The following TLL1 variants were observed in gnomAD, a reference collection of about 807,000 sequenced individuals.
TLL1 encodes the protein tolloid-like protein 1.
Under a neutral mutation model 128.2 loss-of-function variants are expected in TLL1, and 49 were observed. The ratio of observed to expected loss-of-function variants is 0.38; its 90% CI spans 0.30 to 0.48. TLL1 has a LOEUF of 0.48. Among genes scored for constraint, TLL1 ranks in the 20% least tolerant of loss-of-function variants. The pLI is 0.96. For synonymous variants in TLL1, 454 were observed against 418.8 expected (o/e 1.08, Z -1.03); for missense variants, 1,123 against 1,242.0 (o/e 0.90, Z 1.44).
intron 5 of TLL1, among the ~76,000 whole-genome samples, chr4:165,999,641 T>G (rs1489516163): frequency 2.3e-5 from 1 of 44,042 alleles, no homozygotes; most frequent in Non-Finnish European, 3.7e-5. Flanking sequence ...AATTTTTGTA[T>G]TTTTTTTTTT....
Position 165,927,254 on chromosome 4 carries a change from C to T in TLL1, c.169+53181C>T, listed in dbSNP as rs115267083. Among the ~76,000 whole-genome samples the T allele has an allele frequency of 3.0e-3, 463 of 152,200 alleles. 1 individual carries two copies. Among genetic ancestry groups the T allele is most frequent in the African/African-American group, 0.011 (445 of 41,524 alleles). On this transcript the variant is annotated intron_variant, in intron 1 of 20. Coordinates refer to ENST00000061240, the MANE Select transcript of TLL1 (RefSeq NM_012464.5). ...ATCACTCTCTTAGTAATTTTATTTC[C>T]GTAGGCGATGTTGTGTAGTAATACT... is the stretch of plus-strand genomic sequence containing the variant.
intron 5 of TLL1, among the ~76,000 whole-genome samples, chr4:165,995,916 A>G (rs1736852298): frequency 6.6e-6 from 1 of 152,034 alleles, no homozygotes; most frequent in African/African-American, 2.4e-5. Flanking sequence ...ATCACTTATT[A>G]TTTTATTGCC....
intron 1 of TLL1, among the ~76,000 whole-genome samples, chr4:165,923,460 G>T (rs1430225549): frequency 3.6e-5 from 2 of 55,434 alleles, no homozygotes; most frequent in Admixed American, 3.8e-4. Context: ...ACAGAGTCTT[G>T]CTCTGTCGCC....
chr4:165,959,557 A>T (rs1333275046), intron 1 of TLL1, among the ~76,000 whole-genome samples: 3 of 152,184 alleles, frequency 2.0e-5, no homozygotes, highest in African/African-American at 7.2e-5. Context: ...TCATCTCCAC[A>T]TGGAACATAC....
Position 166,034,223 on chromosome 4 carries a change from T to C in TLL1, c.1159-5116T>C, listed in dbSNP as rs575476043. 1.4e-4 allele frequency among the ~76,000 whole-genome samples: 22 copies of C among 152,274 alleles called. 1 individual carries two copies. Among genetic ancestry groups the C allele is most frequent in the African/African-American group, 5.1e-4 (21 of 41,556 alleles). On this transcript the variant is annotated intron_variant, in intron 9 of 20. Transcript: ENST00000061240. ...CATGGACTTTAGGAAAGCTCAGATC[T>C]TGTTGGAAGATCCATGCATGACTGA...
chr4:166,028,349 T>A (rs989360125), intron 9 of TLL1, among the ~76,000 whole-genome samples: 8 of 152,098 alleles, frequency 5.3e-5, no homozygotes, highest in African/African-American at 1.7e-4. Flanking sequence ...TCTTCAATCA[T>A]CCTTTTCCTA....
At chr4:165,912,055 T>G (rs1354275170) in intron 1 of TLL1, among the ~76,000 whole-genome samples, 1 of 152,126 alleles carries the variant, frequency 6.6e-6, no homozygotes, top group Non-Finnish European at 1.5e-5. Flanking sequence ...TTTTGTATTT[T>G]TAGTAGAGAC....
Position 166,043,434 on chromosome 4 carries a change from G to T in TLL1, c.1524+15G>T, listed in dbSNP as rs924230031. The T allele has an allele frequency of 1.5e-5, 24 of 1,613,850 alleles. No individual in the cohort carries two copies. Among genetic ancestry groups the T allele is most frequent in the Non-Finnish European group, 1.9e-5 (23 of 1,179,924 alleles). On this transcript the variant is annotated intron_variant, in intron 12 of 20. Coordinates refer to ENST00000061240, the MANE Select transcript of TLL1 (RefSeq NM_012464.5). ...AGTCCTTTGAGGTAAAGTCTTTTAG[G>T]CTATCTTCCTGGCAAATATTCTCCA...
At chr4:165,907,673 C>T (rs951953376) in intron 1 of TLL1, among the ~76,000 whole-genome samples, 40 of 151,824 alleles carry the variant, frequency 2.6e-4, no homozygotes, top group Admixed American at 2.2e-3. Flanking sequence ...CTCAGCCTCC[C>T]GAGTAGCTGG....
chr4:165,994,050 A>G (rs1736756357), intron 3 of TLL1, among the ~76,000 whole-genome samples: 1 of 152,186 alleles, frequency 6.6e-6, no homozygotes, highest in Admixed American at 6.6e-5. Flanking sequence ...TGGTGAATTG[A>G]TAGTGACTAG....
chr4:166,061,587 A>G (rs1052941041), intron 15 of TLL1, among the ~76,000 whole-genome samples: 2 of 152,070 alleles, frequency 1.3e-5, no homozygotes, highest in Admixed American at 1.3e-4. Flanking sequence ...TTCTGCTTGT[A>G]GTAACCAAGG....
At chr4:165,956,821 C>T (rs1734822869) in intron 1 of TLL1, among the ~76,000 whole-genome samples, 1 of 152,004 alleles carries the variant, frequency 6.6e-6, no homozygotes, top group Non-Finnish European at 1.5e-5. Context: ...GAAATCTTCA[C>T]AATTTATGTT....
intron 1 of TLL1, among the ~76,000 whole-genome samples, chr4:165,948,965 G>T: frequency 6.6e-6 from 1 of 152,220 alleles, no homozygotes; most frequent in South Asian, 2.1e-4. Flanking sequence ...GATGATACAG[G>T]TATAGCTGTG....
intron 1 of TLL1, among the ~76,000 whole-genome samples, chr4:165,942,617 T>TTA (rs1168378272): frequency 1.3e-5 from 2 of 149,090 alleles, no homozygotes; most frequent in African/African-American, 2.4e-5. Flanking sequence ...TTTTACATAA[T>TTA]TATATATATA....
At chr4:165,911,187 C>G (rs1461617857) in intron 1 of TLL1, among the ~76,000 whole-genome samples, 1 of 152,178 alleles carries the variant, frequency 6.6e-6, no homozygotes, top group African/African-American at 2.4e-5. Flanking sequence ...ATTCATCCCT[C>G]TCACACCCAC....
chr4:165,998,616 A>G (rs1237694727), intron 5 of TLL1, among the ~76,000 whole-genome samples: 3 of 151,308 alleles, frequency 2.0e-5, no homozygotes, highest in Non-Finnish European at 4.4e-5. Context: ...ACATGGTGAA[A>G]CCCCGTCTCT....
chr4:165,952,710 G>A (rs532764162), intron 1 of TLL1, among the ~76,000 whole-genome samples: 3 of 152,148 alleles, frequency 2.0e-5, no homozygotes, highest in South Asian at 2.1e-4. Flanking sequence ...TCAGTGGAAG[G>A]CATGATAAAA....
In TLL1 at chr4:165,988,358, C is replaced by T. The variant is rs1201462691; in HGVS notation, c.170-1023C>T. On this transcript the variant is annotated intron_variant, in intron 1 of 20. Transcript: ENST00000061240. ...AGAGCAGTTGCTCACTCCTGCAATC[C>T]CAGCATTTTGGGAGGCTGAGGCAGG... 3.9e-5 allele frequency among the ~76,000 whole-genome samples: 6 copies of T among 152,044 alleles called. No homozygotes were observed. The East Asian group carries it at 1.2e-3, about 29-fold the overall frequency.
intron 1 of TLL1, among the ~76,000 whole-genome samples, chr4:165,915,332 G>T (rs1434804993): frequency 6.6e-6 from 1 of 152,142 alleles, no homozygotes; most frequent in East Asian, 1.9e-4. Context: ...TATTTAAAAA[G>T]ATCTATATAA....
Sources: gnomAD v4.1 joint callset for allele counts (sites outside exome capture counted in the v4.1 genomes callset) on GRCh38, gnomAD v4.1.1 for gene constraint, MANE v1.5 for transcripts, NCBI Gene and HGNC (gene_info 2026-07-23, HGNC 2026-07-21) for gene names.